CABIN1: variants seen among roughly 807,000 people sequenced by gnomAD.
The protein encoded by CABIN1 is calcineurin-binding protein cabin-1.
A neutral mutation model predicts 227.7 loss-of-function variants in CABIN1; 133 were observed. That is an observed-to-expected ratio of 0.58 (90% CI 0.51 to 0.67). The LOEUF is 0.67. Among genes scored for constraint, CABIN1 ranks in the 30% least tolerant of loss-of-function variants. CABIN1 has a pLI of 0.00. For synonymous variants in CABIN1, 1,086 were observed against 1,155.1 expected, an observed-to-expected ratio of 0.94 and a Z score of 1.21; for missense variants, 2,408 against 2,852.5, an observed-to-expected ratio of 0.84 and a Z score of 3.55.
At chr22:24,075,885 C>G (rs977560503) in intron 18 of CABIN1, among the ~76,000 whole-genome samples, 2 of 152,022 alleles carry the variant, frequency 1.3e-5, no homozygotes, top group African/African-American at 4.8e-5. Context: ...CAGATGTCAG[C>G]ATTGGTTCTC....
intron 6 of CABIN1, among the ~76,000 whole-genome samples, chr22:24,047,895 G>A (rs1035734849): frequency 1.3e-5 from 2 of 152,264 alleles, no homozygotes; most frequent in African/African-American, 4.8e-5. Flanking sequence ...CTGGCACCCT[G>A]CTGCAGTGTT....
At chr22:24,090,462 G>A (rs575458745) in intron 23 of CABIN1, among the ~76,000 whole-genome samples, 1 of 151,416 alleles carries the variant, frequency 6.6e-6, no homozygotes, top group African/African-American at 2.4e-5. Flanking sequence ...ACCCTGCACT[G>A]TGATGCTTTC....
intron 16 of CABIN1, among the ~76,000 whole-genome samples, chr22:24,068,201 A>G (rs1026241802): frequency 1.3e-5 from 2 of 152,164 alleles, no homozygotes; most frequent in Non-Finnish European, 2.9e-5. Context: ...GGGAAGCAGG[A>G]GGGAGAAGGG....
Position 24,096,027 on chromosome 22 carries a change from G to C in CABIN1, c.3883G>C (p.Ala1295Pro), listed in dbSNP as rs200462761. 5 of 1,614,152 alleles carry C rather than the reference G, an allele frequency of 3.1e-6. No individual in the cohort carries two copies. The highest frequency in any genetic ancestry group is 4.2e-6 in the Non-Finnish European group (5 of 1,180,008). ...CCTGGTCAACTTTATGAAGGAGGCTGCAGAAGGACCCTTTGCCAGGGGCGA... is the reference window on the plus strand; with the variant it reads ...CCTGGTCAACTTTATGAAGGAGGCTCCAGAAGGACCCTTTGCCAGGGGCGA... ...EVLVNFMKEA[A>P]EGPFARGEEK... Residue 1295 changes from alanine (A) to proline (P), a missense_variant, in exon 25 of 37, where the codon GCA (alanine) becomes CCA (proline). Ala to Pro is a conservative substitution (Grantham distance 27). Transcript: ENST00000263119.
intron 32 of CABIN1, 126 bp from the exon 33 acceptor site, chr22:24,168,312 TGGGGTGTTG>T: frequency 1.3e-6 from 1 of 783,234 alleles, no homozygotes; most frequent in East Asian, 2.7e-5. Flanking sequence ...CAGCAGAGTC[TGGGGTGTTG>T]GGGGGCACCC....
Position 24,096,036 on chromosome 22 carries a change from C to T in CABIN1, c.3892C>T (p.Pro1298Ser), listed in dbSNP as rs1302561990. 1 of 1,614,130 alleles carries T rather than the reference C, an allele frequency of 6.2e-7. No individual in the cohort carries two copies. Among genetic ancestry groups the T allele is most frequent in the South Asian group, 1.1e-5 (1 of 91,084 alleles). ...VNFMKEAAEG[P>S]FARGEEKNTP... ...CTTTATGAAGGAGGCTGCAGAAGGA[C>T]CCTTTGCCAGGGGCGAGGAGAAGAA... The change falls in exon 25 of 37, where the codon CCC becomes TCC. Residue 1298 changes from proline to serine, a missense_variant. Physicochemically the swap from Pro to Ser is moderately conservative, Grantham distance 74 (BLOSUM62 -1). Around this residue, in one of 3 missense-constraint regions of CABIN1, gnomAD observed 649 missense variants for 910.3 expected, o/e 0.71. Transcript: ENST00000263119.
chr22:24,040,826 T>C (rs1005962843), intron 4 of CABIN1, among the ~76,000 whole-genome samples: 5 of 152,236 alleles, frequency 3.3e-5, no homozygotes, highest in Admixed American at 6.5e-5. Flanking sequence ...TGGGTCTACC[T>C]ATGCTGTAAA....
chr22:24,031,988 A>G (rs2036533010), intron 1 of CABIN1, among the ~76,000 whole-genome samples: 1 of 152,234 alleles, frequency 6.6e-6, no homozygotes, highest in African/African-American at 2.4e-5. Flanking sequence ...AAATGGTAAA[A>G]TATGGAAACA....
At chr22:24,059,198 A>C (rs189332987) in intron 10 of CABIN1, 29 bp from the exon 11 acceptor site, 1 of 1,613,908 alleles carries the variant, frequency 6.2e-7, no homozygotes, top group East Asian at 2.2e-5. Context: ...GTGTGTTGTG[A>C]CTTTGTGATT....
At chr22:24,019,127 T>G (rs1312752875) in intron 1 of CABIN1, among the ~76,000 whole-genome samples, 16 of 127,408 alleles carry the variant, frequency 1.3e-4, no homozygotes, top group South Asian at 1.2e-3. Context: ...GTTGTTTTTT[T>G]TTTTTTTTTT....
At chr22:24,035,116 A>C (rs1268711715) in intron 1 of CABIN1, among the ~76,000 whole-genome samples, 1 of 152,084 alleles carries the variant, frequency 6.6e-6, no homozygotes, top group East Asian at 1.9e-4. Flanking sequence ...TGCTGCCTTT[A>C]GATGTTGCCT....
chr22:24,091,709 AAGC>A lies in CABIN1; in HGVS notation c.3662_3664del (p.Gln1221del), dbSNP rs1307032983. On this transcript the variant is annotated inframe_deletion, in exon 24 of 37. Coordinates refer to ENST00000263119, the MANE Select transcript of CABIN1 (RefSeq NM_012295.4). ...CTACATGCTGGGCAAGGTGGCTGAG[AAGC>A]AGCAGCAGCCACCCACCGTTTACTT... The A allele has an allele frequency of 6.2e-7, 1 of 1,614,096 alleles. No homozygotes were observed. Among genetic ancestry groups the A allele is most frequent in the East Asian group, 2.2e-5 (1 of 44,878 alleles).
intron 18 of CABIN1, among the ~76,000 whole-genome samples, chr22:24,075,152 A>G (rs976585417): frequency 1.3e-5 from 2 of 152,180 alleles, no homozygotes; most frequent in African/African-American, 4.8e-5. Context: ...GCATTGAGCT[A>G]TGACCATGCC....
At chr22:24,164,673 G>GTCCA in intron 30 of CABIN1, 110 bp downstream of exon 30, 1 of 1,285,586 alleles carries the variant, frequency 7.8e-7, no homozygotes, top group Non-Finnish European at 1.1e-6. Flanking sequence ...CCACTGGCTG[G>GTCCA]GAGCCTGGAC....
chr22:24,114,058 TTTGTTGTTGTTGTTGTTG>T (rs695681), intron 27 of CABIN1, among the ~76,000 whole-genome samples: 1 of 151,598 alleles, frequency 6.6e-6, no homozygotes, highest in South Asian at 2.1e-4. Context: ...GTGCTCTGTT[TTTGTTGTTGTTGTTGTTG>T]TTGTTGTTGT....
chr22:24,112,173 A>G (rs779827687), intron 26 of CABIN1, among the ~76,000 whole-genome samples: 5 of 152,072 alleles, frequency 3.3e-5, no homozygotes, highest in East Asian at 3.8e-4. Context: ...GTGTCTTACA[A>G]TTTTTACATT....
At chr22:24,074,080 C>G (rs1395369620) in intron 18 of CABIN1, among the ~76,000 whole-genome samples, 2 of 151,830 alleles carry the variant, frequency 1.3e-5, no homozygotes, top group East Asian at 3.9e-4. Flanking sequence ...ATTATTACCT[C>G]TGGTACCACA....
intron 7 of CABIN1, among the ~76,000 whole-genome samples, chr22:24,050,164 C>G (rs2147284369): frequency 6.6e-6 from 1 of 152,330 alleles, no homozygotes; most frequent in South Asian, 2.1e-4. Flanking sequence ...GAGCCTGTCC[C>G]TCTCCTGAAG....
chr22:24,166,546 G>T, intron 31 of CABIN1, 93 bp from the exon 32 acceptor site: 2 of 1,497,642 alleles, frequency 1.3e-6, no homozygotes, highest in Non-Finnish European at 1.9e-6. Flanking sequence ...TGTCAGGTGG[G>T]AGAGGCCCAG....
Sources: gnomAD v4.1 joint callset for allele counts (sites outside exome capture counted in the v4.1 genomes callset) on GRCh38, gnomAD v4.1.1 for gene constraint, gnomAD v4.1.1 regional missense constraint, MANE v1.5 for transcripts, NCBI Gene and HGNC (gene_info 2026-07-23, HGNC 2026-07-21) for gene names.